The following TAOK1 variants were observed in gnomAD, a reference collection of about 807,000 sequenced individuals.
The protein encoded by TAOK1 is TAO kinase 1.
A neutral mutation model predicts 138.3 loss-of-function variants in TAOK1; 21 were observed. The ratio of observed to expected loss-of-function variants is 0.15; its 90% CI spans 0.11 to 0.22. The LOEUF (loss-of-function observed/expected upper bound fraction) is 0.22, where lower values mean the gene tolerates loss of function less well. Among genes scored for constraint, TAOK1 ranks in the 10% least tolerant of loss-of-function variants. The pLI, the probability that TAOK1 is intolerant of heterozygous loss-of-function variation, is 1.00. For synonymous variants in TAOK1, 361 were observed against 398.4 expected, an observed-to-expected ratio of 0.91 and a Z score of 1.12; for missense variants, 651 against 1,227.7, an observed-to-expected ratio of 0.53 and a Z score of 7.02.
chr17:29,465,685 C>A (rs2030645202), intron 2 of TAOK1, among the ~76,000 whole-genome samples: 1 of 152,074 alleles, frequency 6.6e-6, no homozygotes. Flanking sequence ...AGTTCTTGCA[C>A]AGATGGTTTG....
chr17:29,419,650 C>T (rs1366607902), intron 1 of TAOK1, among the ~76,000 whole-genome samples: 1 of 151,836 alleles, frequency 6.6e-6, no homozygotes, highest in Non-Finnish European at 1.5e-5. Context: ...CACCACCACG[C>T]CTGGCTAATT....
intron 1 of TAOK1, among the ~76,000 whole-genome samples, chr17:29,442,728 A>G (rs1276264412): frequency 6.6e-6 from 1 of 152,174 alleles, no homozygotes; most frequent in African/African-American, 2.4e-5. Context: ...ATCTAGTGGT[A>G]TATCCATACA....
At chr17:29,392,147 C>T (rs560457955) in intron 1 of TAOK1, among the ~76,000 whole-genome samples, 84 of 152,090 alleles carry the variant, frequency 5.5e-4, no homozygotes, top group African/African-American at 1.9e-3. Context: ...ACCCGGGAGG[C>T]GGAGGTTGCA....
chr17:29,435,090 C>T (rs1905985100), intron 1 of TAOK1, among the ~76,000 whole-genome samples: 1 of 152,058 alleles, frequency 6.6e-6, no homozygotes, highest in Admixed American at 6.6e-5. Flanking sequence ...CTGTGATGGG[C>T]ATCCTATGTA....
intron 16 of TAOK1, among the ~76,000 whole-genome samples, chr17:29,521,025 CAA>C (rs965383949): frequency 7.5e-6 from 1 of 132,818 alleles, no homozygotes; most frequent in African/African-American, 2.8e-5. Context: ...CACTCAGTCT[CAA>C]AAAAAAAAAA....
At chr17:29,442,885 C>T (rs893655275) in intron 1 of TAOK1, among the ~76,000 whole-genome samples, 3 of 152,128 alleles carry the variant, frequency 2.0e-5, no homozygotes, top group African/African-American at 7.2e-5. Flanking sequence ...GGTGAAACCC[C>T]ATCTCTACTA....
intron 1 of TAOK1, among the ~76,000 whole-genome samples, chr17:29,448,859 C>T (rs2030161266): frequency 6.6e-6 from 1 of 152,092 alleles, no homozygotes; most frequent in Non-Finnish European, 1.5e-5. Context: ...GAATGAGACA[C>T]ATTGTGCCTG....
At chr17:29,480,253 C>T in intron 6 of TAOK1, 115 bp from the exon 7 acceptor site, 1 of 664,644 alleles carries the variant, frequency 1.5e-6, no homozygotes, top group Non-Finnish European at 2.3e-6. Flanking sequence ...TACCCCAGCA[C>T]TTAATTATTT....
Position 29,489,761 on chromosome 17 carries a change from A to T in TAOK1, c.749+4A>T. On this transcript the variant is annotated splice_donor_region_variant and intron_variant, in intron 9 of 19. Transcript: ENST00000261716. Reference sequence around the variant, plus strand: ...CTACACTACAGTCTAATGAATGGTGAGTATTGTTAATATATATATTGCTCA... The same window carrying T: ...CTACACTACAGTCTAATGAATGGTGTGTATTGTTAATATATATATTGCTCA... 1 of 1,573,578 alleles carries T rather than the reference A, an allele frequency of 6.4e-7. No individual in the cohort carries two copies. Among genetic ancestry groups the T allele is most frequent in the Non-Finnish European group, 8.7e-7 (1 of 1,151,352 alleles).
At chr17:29,507,272 G>GA (rs2031645569) in intron 13 of TAOK1, among the ~76,000 whole-genome samples, 2 of 138,804 alleles carry the variant, frequency 1.4e-5, no homozygotes. Context: ...TTTTTTTTTT[G>GA]TTTTTTTTTT....
Position 29,491,820 on chromosome 17 carries a change from C to T in TAOK1, c.786C>T (p.Leu262=). 1 of 1,613,740 alleles carries T rather than the reference C, an allele frequency of 6.2e-7. No individual in the cohort carries two copies. Among genetic ancestry groups the T allele is most frequent in the South Asian group, 1.1e-5 (1 of 91,062 alleles). Reference sequence around the variant, plus strand: ...TTCGCAACTTTGTAGATTCTTGCCTCCAGAAAATCCCTCAAGATCGACCTA... The same window carrying T: ...TTCGCAACTTTGTAGATTCTTGCCTTCAGAAAATCCCTCAAGATCGACCTA... ...DYFRNFVDSC[L]QKIPQDRPTS... is the part of the protein sequence containing the mutation. The change falls in exon 10 of 20, where the codon CTC becomes CTT. Residue 262 remains leucine (L), a synonymous_variant. Transcript: ENST00000261716.
At chr17:29,484,568 T>C (rs2031128269) in intron 8 of TAOK1, among the ~76,000 whole-genome samples, 2 of 152,148 alleles carry the variant, frequency 1.3e-5, no homozygotes, top group South Asian at 2.1e-4. Flanking sequence ...AACACAGGTC[T>C]AGAGGTATGA....
intron 2 of TAOK1, among the ~76,000 whole-genome samples, chr17:29,455,948 G>A (rs1436215557): frequency 2.0e-5 from 3 of 150,248 alleles, no homozygotes; most frequent in Non-Finnish European, 4.4e-5. Context: ...TCTTTATCTA[G>A]TGTTGGCATC....
chr17:29,489,617 G>A (rs983938777), intron 8 of TAOK1, 47 bp from the exon 9 acceptor site: 12 of 1,249,170 alleles, frequency 9.6e-6, no homozygotes, highest in South Asian at 1.4e-5. Context: ...CAGGACTTGA[G>A]TACCCCTGGA....
intron 1 of TAOK1, among the ~76,000 whole-genome samples, chr17:29,431,930 C>T (rs1343110986): frequency 6.6e-6 from 1 of 151,982 alleles, no homozygotes; most frequent in East Asian, 1.9e-4. Context: ...CCTCAGCCTC[C>T]TGAGTAACTA....
At chr17:29,394,050 C>T (rs1232569806) in intron 1 of TAOK1, among the ~76,000 whole-genome samples, 1 of 150,032 alleles carries the variant, frequency 6.7e-6, no homozygotes, top group Admixed American at 6.7e-5. Flanking sequence ...TGTTACGATG[C>T]CATTTTAACA....
At chr17:29,483,080 T>C (rs1598500700) in intron 8 of TAOK1, among the ~76,000 whole-genome samples, 1 of 152,260 alleles carries the variant, frequency 6.6e-6, no homozygotes, top group South Asian at 2.1e-4. Context: ...TAAATTTTAC[T>C]TATTTATTTA....
At chr17:29,428,244 G>A (rs1905709346) in intron 1 of TAOK1, among the ~76,000 whole-genome samples, 1 of 152,168 alleles carries the variant, frequency 6.6e-6, no homozygotes, top group African/African-American at 2.4e-5. Flanking sequence ...ATGTTGGGAG[G>A]CTGAGCAAGA....
intron 1 of TAOK1, among the ~76,000 whole-genome samples, chr17:29,446,463 G>A (rs1250747363): frequency 2.0e-5 from 3 of 152,006 alleles, no homozygotes; most frequent in East Asian, 1.9e-4. Context: ...GGATGGTCTC[G>A]ATCTCCTGAC....
Sources: allele counts gnomAD v4.1 joint callset (sites outside exome capture counted in the v4.1 genomes callset), GRCh38; gene constraint gnomAD v4.1.1; transcripts MANE v1.5; gene names NCBI Gene and HGNC (gene_info 2026-07-23, HGNC 2026-07-21).